The following AOPEP variants were observed in gnomAD, a reference collection of about 807,000 sequenced individuals.
AOPEP encodes aminopeptidase O (putative), also known as aminopeptidase O.
Under a neutral mutation model 98.1 loss-of-function variants are expected in AOPEP, and 77 were observed. That is an observed-to-expected ratio of 0.78 (90% CI 0.65 to 0.95). AOPEP has a LOEUF of 0.95. Ranked by LOEUF, AOPEP falls within the 40% of genes least tolerant of loss-of-function variation. The pLI is 0.00. For missense variants in AOPEP, 1,024 were observed against 1,024.7 expected, an observed-to-expected ratio of 1.00 and a Z score of 0.01; for synonymous variants, 346 against 365.3, an observed-to-expected ratio of 0.95 and a Z score of 0.60.
chr9:95,117,509 C>A, the AOPEP span: 1 of 749,552 alleles, frequency 1.3e-6, no homozygotes, highest in South Asian at 1.5e-5. Flanking sequence ...ATGGTCAGAA[C>A]ACTTTCTTAA....
intron 13 of AOPEP, among the ~76,000 whole-genome samples, chr9:95,052,651 T>C (rs915124689): frequency 1.3e-5 from 2 of 152,196 alleles, no homozygotes; most frequent in African/African-American, 4.8e-5. Context: ...AATTACTAAA[T>C]TTGTAATGAA....
At chr9:94,759,346 T>C (rs1283313777) in intron 1 of AOPEP, among the ~76,000 whole-genome samples, 2 of 152,260 alleles carry the variant, frequency 1.3e-5, no homozygotes, top group African/African-American at 4.8e-5. Context: ...GGCACAGTGA[T>C]GCTGGGTTAC....
the AOPEP span, chr9:95,117,276 G>A: frequency 6.3e-7 from 1 of 1,578,772 alleles, no homozygotes; most frequent in Non-Finnish European, 8.7e-7. Flanking sequence ...CTCTTCCCAG[G>A]AAATCATTCT....
chr9:95,063,801 G>A (rs2067564727), intron 14 of AOPEP, among the ~76,000 whole-genome samples: 1 of 152,114 alleles, frequency 6.6e-6, no homozygotes, highest in African/African-American at 2.4e-5. Context: ...CCGGGGTGCT[G>A]CTTCACTGGA....
chr9:94,845,095 T>C (rs2134969627), intron 5 of AOPEP, among the ~76,000 whole-genome samples: 1 of 152,290 alleles, frequency 6.6e-6, no homozygotes, highest in Non-Finnish European at 1.5e-5. Context: ...GGCAGATGCA[T>C]GAATATTTAA....
Position 94,924,098 on chromosome 9 carries a change from C to T in AOPEP, c.1477C>T (p.Arg493Ter), listed in dbSNP as rs577000059. Residue 493 changes from arginine to a stop codon, truncating the protein, a stop_gained, in exon 6 of 17, where the codon CGA (arginine) becomes TGA (stop). Coordinates refer to ENST00000375315, the MANE Select transcript of AOPEP (RefSeq NM_001193329.3). LOFTEE classifies it high-confidence loss of function. ...CTGGTTTGGCCTAGCCATCGGGGCC[C>T]GAGACTGGACGGAGGAGTGGCTGAG... ...HAWFGLAIGA[R>*]DWTEEWLSEG... The T allele has an allele frequency of 2.1e-5, 32 of 1,512,178 alleles. No individual in the cohort carries two copies. The highest frequency in any genetic ancestry group is 8.6e-5 in the Admixed American group (4 of 46,364). 93.7% of individuals were successfully genotyped at this position (1,512,178 alleles called of 1,614,324 possible). A position where few individuals can be genotyped will look rare whatever the true frequency, so the allele number is the denominator to read the frequency against.
At chr9:94,815,520 C>A (rs1046473199) in intron 5 of AOPEP, among the ~76,000 whole-genome samples, 3 of 152,056 alleles carry the variant, frequency 2.0e-5, no homozygotes, top group Non-Finnish European at 4.4e-5. Context: ...AACCTCGGGC[C>A]CCTTCAGGCC....
intron 11 of AOPEP, among the ~76,000 whole-genome samples, chr9:94,992,741 C>G (rs527668011): frequency 4.6e-4 from 70 of 152,206 alleles, no homozygotes; most frequent in Non-Finnish European, 7.5e-4. Context: ...TGAAGGCACT[C>G]TGGGCTGCGT....
At chr9:94,960,879 G>C (rs925379142) in intron 9 of AOPEP, among the ~76,000 whole-genome samples, 4 of 152,026 alleles carry the variant, frequency 2.6e-5, no homozygotes, top group Non-Finnish European at 4.4e-5. Context: ...GGGCGCGGTG[G>C]GGGGCGCCTG....
the AOPEP span, chr9:95,123,832 G>A: frequency 1.2e-5 from 8 of 660,744 alleles, no homozygotes; most frequent in Admixed American, 1.8e-5. Context: ...TTAGACCTGC[G>A]GATGCTGCCC....
chr9:95,054,324 G>C (rs2066640084), intron 13 of AOPEP, among the ~76,000 whole-genome samples: 1 of 152,148 alleles, frequency 6.6e-6, no homozygotes, highest in South Asian at 2.1e-4. Flanking sequence ...CACATCTCTT[G>C]TGAAATACTT....
intron 14 of AOPEP, among the ~76,000 whole-genome samples, chr9:95,074,501 T>C (rs1254762953): frequency 6.6e-6 from 1 of 152,172 alleles, no homozygotes; most frequent in Non-Finnish European, 1.5e-5. Context: ...TGAATCCCTT[T>C]CCAACAGTAT....
At chr9:94,960,138 A>G (rs756507605) in intron 9 of AOPEP, among the ~76,000 whole-genome samples, 6 of 152,096 alleles carry the variant, frequency 3.9e-5, no homozygotes, top group Non-Finnish European at 5.9e-5. Flanking sequence ...TTGGCCGGGC[A>G]CGGTGGCTCA....
intron 7 of AOPEP, chr9:94,931,710 G>GA: frequency 6.5e-7 from 1 of 1,545,604 alleles, no homozygotes; most frequent in Non-Finnish European, 8.8e-7. Context: ...TTTATGTCTT[G>GA]ATAGGTTTCC....
At position 94,787,730 on chromosome 9, in the gene AOPEP, T is replaced by C. The variant is rs1844750707; in HGVS notation, c.965-5035T>C. Among the ~76,000 whole-genome samples, 2 of 152,220 alleles carry C rather than the reference T, an allele frequency of 1.3e-5. 1 individual carries two copies. The highest frequency in any genetic ancestry group is 4.8e-5 in the African/African-American group (2 of 41,472). On this transcript the variant is annotated intron_variant, in intron 3 of 16. Coordinates refer to ENST00000375315, the MANE Select transcript of AOPEP (RefSeq NM_001193329.3). ...TTTAATTAATTGATTAGTTCAATTA[T>C]TTTACATTAAATATGCAATATTTAA...
rs1388558780 is a variant in AOPEP, at chr9:94,792,967, G to A, written c.1118+49G>A. The A allele has an allele frequency of 2.6e-6, 4 of 1,534,562 alleles. No homozygotes were observed. The Admixed American group carries it at 7.7e-5, about 29-fold the overall frequency. On this transcript the variant is annotated intron_variant, in intron 4 of 16. Transcript: ENST00000375315. ...GAAGGAAAAAAAAAAAAACACTTGAGGGAGCGGTATGATGCATTTCTTCCA... is the reference window on the plus strand; with the variant it reads ...GAAGGAAAAAAAAAAAAACACTTGAAGGAGCGGTATGATGCATTTCTTCCA...
rs1363678845 is a variant in AOPEP, at chr9:94,916,715, T to A, written c.1365-7271T>A. On this transcript the variant is annotated intron_variant, in intron 5 of 16. Transcript: ENST00000375315. ...CTCTCAAAAAAAAAAAAAAATTAAA[T>A]AAATAAATAAATAAATAAATAAAGA... 3.4e-4 allele frequency among the ~76,000 whole-genome samples: 51 copies of A among 148,412 alleles called. 1 individual carries two copies. The highest frequency in any genetic ancestry group is 1.0e-3 in the African/African-American group (41 of 39,780).
chr9:94,764,522 C>T (rs1564091754), intron 2 of AOPEP, among the ~76,000 whole-genome samples: 1 of 152,148 alleles, frequency 6.6e-6, no homozygotes, highest in African/African-American at 2.4e-5. Flanking sequence ...GTGGCAGGCA[C>T]CTGTAGTCCC....
intron 14 of AOPEP, among the ~76,000 whole-genome samples, chr9:95,079,769 A>C (rs1172236349): frequency 6.6e-6 from 1 of 152,204 alleles, no homozygotes; most frequent in Non-Finnish European, 1.5e-5. Flanking sequence ...TGAACGTTTA[A>C]TAAAGTGTAT....
Sources: allele counts gnomAD v4.1 joint callset (sites outside exome capture counted in the v4.1 genomes callset), GRCh38; gene constraint gnomAD v4.1.1; transcripts MANE v1.5; gene names NCBI Gene and HGNC (gene_info 2026-07-23, HGNC 2026-07-21).